Variants in MNAT1 observed in about 807,000 individuals in gnomAD.
MNAT1 encodes CDK-activating kinase assembly factor MAT1.
Under a neutral mutation model 42.0 loss-of-function variants are expected in MNAT1, and 43 were observed. The observed-to-expected ratio is 1.02, with a 90% CI of 0.80 to 1.32. The LOEUF (loss-of-function observed/expected upper bound fraction) is 1.32. MNAT1 is among the 40% of genes most tolerant of loss of function. The probability of loss-of-function intolerance (pLI) is 0.00; values close to 1 mark genes in which losing one functional copy is unlikely to be tolerated. For synonymous variants in MNAT1, 118 were observed against 120.0 expected (o/e 0.98, Z 0.11); for missense variants, 306 against 350.4 (o/e 0.87, Z 1.01).
At chr14:60,934,121 T>C (rs1379054608) in intron 7 of MNAT1, among the ~76,000 whole-genome samples, 1 of 152,222 alleles carries the variant, frequency 6.6e-6, no homozygotes, top group Non-Finnish European at 1.5e-5. Flanking sequence ...GTCCAAGTTG[T>C]TGACAATTCA....
At chr14:60,741,736 G>A (rs1896473175) in intron 1 of MNAT1, among the ~76,000 whole-genome samples, 1 of 141,822 alleles carries the variant, frequency 7.1e-6, no homozygotes. Context: ...TCAAACGCCT[G>A]AGCGCAAGTG....
chr14:60,816,975 A>C (rs1435565826), intron 5 of MNAT1, among the ~76,000 whole-genome samples: 7 of 152,006 alleles, frequency 4.6e-5, no homozygotes, highest in Admixed American at 4.6e-4. Flanking sequence ...AAAACAAGCT[A>C]AAGTCTTGAC....
At chr14:60,924,734 G>T (rs945710531) in intron 7 of MNAT1, among the ~76,000 whole-genome samples, 10 of 152,176 alleles carry the variant, frequency 6.6e-5, no homozygotes, top group Non-Finnish European at 1.2e-4. Context: ...CATTGGGGAT[G>T]TTGGGTAAAG....
At chr14:60,801,849 A>G (rs113181106) in intron 3 of MNAT1, among the ~76,000 whole-genome samples, 14 of 152,348 alleles carry the variant, frequency 9.2e-5, no homozygotes, top group African/African-American at 3.1e-4. Flanking sequence ...CCCTATTCAC[A>G]GTAGCTAAGA....
intron 7 of MNAT1, among the ~76,000 whole-genome samples, chr14:60,963,503 T>G (rs1051459504): frequency 1.3e-5 from 2 of 152,210 alleles, no homozygotes; most frequent in Non-Finnish European, 2.9e-5. Context: ...GCTCTGGTTG[T>G]TTTTAAATCT....
At chr14:60,750,457 C>G (rs904792109) in intron 1 of MNAT1, among the ~76,000 whole-genome samples, 1 of 150,850 alleles carries the variant, frequency 6.6e-6, no homozygotes, top group South Asian at 2.1e-4. Context: ...GTCTCGATCT[C>G]CTGACCTCGT....
At chr14:60,810,751 G>C (rs2032515899) in intron 4 of MNAT1, among the ~76,000 whole-genome samples, 1 of 152,134 alleles carries the variant, frequency 6.6e-6, no homozygotes, top group Non-Finnish European at 1.5e-5. Flanking sequence ...GTTAAGACTT[G>C]TTTTGTGACC....
intron 5 of MNAT1, among the ~76,000 whole-genome samples, chr14:60,815,058 T>A (rs2139358108): frequency 6.6e-6 from 1 of 152,300 alleles, no homozygotes; most frequent in Admixed American, 6.5e-5. Context: ...CTTTTTTGGA[T>A]AATGCTTCTC....
At chr14:60,750,822 A>C (rs544295172) in intron 1 of MNAT1, among the ~76,000 whole-genome samples, 1 of 152,242 alleles carries the variant, frequency 6.6e-6, no homozygotes, top group African/African-American at 2.4e-5. Flanking sequence ...TACCAAATAT[A>C]CAAATGTTGT....
chr14:60,784,314 G>A (rs937269339), intron 1 of MNAT1, among the ~76,000 whole-genome samples: 2 of 149,564 alleles, frequency 1.3e-5, no homozygotes, highest in African/African-American at 2.5e-5. Context: ...ATGAGCCACT[G>A]CGCCCAGCCA....
chr14:60,932,706 T>C (rs1259740075), intron 7 of MNAT1, among the ~76,000 whole-genome samples: 1 of 152,066 alleles, frequency 6.6e-6, no homozygotes, highest in African/African-American at 2.4e-5. Flanking sequence ...TTAAACATAA[T>C]AGATGACCAT....
intron 6 of MNAT1, among the ~76,000 whole-genome samples, chr14:60,871,015 G>T (rs915143968): frequency 1.3e-5 from 2 of 152,032 alleles, no homozygotes; most frequent in Admixed American, 6.6e-5. Context: ...TTCACATCTG[G>T]CTTCTTGTAG....
chr14:60,909,265 C>G (rs576193925), intron 7 of MNAT1, among the ~76,000 whole-genome samples: 4 of 152,214 alleles, frequency 2.6e-5, no homozygotes, highest in Admixed American at 1.3e-4. Flanking sequence ...TTCTCCCATT[C>G]TGTAGGTTGC....
At chr14:60,956,028 A>G (rs2036481951) in intron 7 of MNAT1, among the ~76,000 whole-genome samples, 1 of 151,366 alleles carries the variant, frequency 6.6e-6, no homozygotes, top group East Asian at 1.9e-4. Context: ...TCTGATCTTT[A>G]TTTCCATCCT....
intron 1 of MNAT1, among the ~76,000 whole-genome samples, chr14:60,746,941 C>T (rs1375648563): frequency 0.36 from 7,689 of 21,396 alleles, 1,746 homozygotes; most frequent in Non-Finnish European, 0.62. Context: ...CACACACACA[C>T]ACACACACAC....
At chr14:60,738,176 T>C (rs1281110371) in intron 1 of MNAT1, among the ~76,000 whole-genome samples, 2 of 151,916 alleles carry the variant, frequency 1.3e-5, no homozygotes, top group Non-Finnish European at 2.9e-5. Flanking sequence ...GCTAATATTA[T>C]TTTTTAAAAT....
chr14:60,892,742 T>C (rs2139489686), intron 7 of MNAT1, among the ~76,000 whole-genome samples: 1 of 152,220 alleles, frequency 6.6e-6, no homozygotes, highest in South Asian at 2.1e-4. Context: ...TTATCCTCTA[T>C]TGTGTATATT....
intron 6 of MNAT1, among the ~76,000 whole-genome samples, chr14:60,851,633 A>G (rs2033822404): frequency 6.6e-6 from 1 of 152,152 alleles, no homozygotes; most frequent in Admixed American, 6.5e-5. Flanking sequence ...TGCTGCACCT[A>G]TCAACCAATC....
intron 1 of MNAT1, among the ~76,000 whole-genome samples, chr14:60,792,701 A>G (rs1197454978): frequency 6.6e-6 from 1 of 152,230 alleles, no homozygotes; most frequent in Non-Finnish European, 1.5e-5. Context: ...TTTAAAAAGT[A>G]AAGTGAACAA....
Sources: allele counts gnomAD v4.1 joint callset (sites outside exome capture counted in the v4.1 genomes callset), GRCh38; gene constraint gnomAD v4.1.1; transcripts MANE v1.5; gene names NCBI Gene and HGNC (gene_info 2026-07-23, HGNC 2026-07-21).